CD2AP: variants seen among roughly 807,000 people sequenced by gnomAD.
CD2AP encodes CD2-associated protein.
A neutral mutation model predicts 85.1 loss-of-function variants in CD2AP; 46 were observed. That is an observed-to-expected ratio of 0.54 (90% CI 0.43 to 0.69). The LOEUF (loss-of-function observed/expected upper bound fraction) is 0.69. Ranked by LOEUF, CD2AP falls within the 30% of genes least tolerant of loss-of-function variation. The pLI, the probability that CD2AP is intolerant of heterozygous loss-of-function variation, is 0.00. For synonymous variants in CD2AP, 255 were observed against 252.9 expected (o/e 1.01, Z -0.08); for missense variants, 769 against 729.5 (o/e 1.05, Z -0.62).
intron 4 of CD2AP, among the ~76,000 whole-genome samples, chr6:47,553,709 TCAGAAACTATA>T (rs1307833725): frequency 1.3e-5 from 2 of 151,968 alleles, no homozygotes; most frequent in African/African-American, 4.8e-5. Context: ...AATATCCATA[TCAGAAACTATA>T]CATTTTTAAA....
chr6:47,483,287 A>G, intron 1 of CD2AP, among the ~76,000 whole-genome samples: 1 of 152,200 alleles, frequency 6.6e-6, no homozygotes, highest in Non-Finnish European at 1.5e-5. Flanking sequence ...ATATGTGCCT[A>G]CAGTCAGCTT....
chr6:47,516,861 T>C (rs1400356685), intron 2 of CD2AP, among the ~76,000 whole-genome samples: 4 of 152,220 alleles, frequency 2.6e-5, no homozygotes, highest in African/African-American at 9.6e-5. Flanking sequence ...AGTTAGATCA[T>C]AGCATATGAT....
Position 47,559,434 on chromosome 6 carries a change from A to T in CD2AP, c.541+4668A>T, listed in dbSNP as rs1767791621. On this transcript the variant is annotated intron_variant, in intron 5 of 17. Coordinates refer to ENST00000359314, the MANE Select transcript of CD2AP (RefSeq NM_012120.3). Reference sequence around the variant, plus strand: ...TCATGATGCACAGCTAATTAAAAACATTTTTTTTTAAGAGATGGGGCCTCA... The same window carrying T: ...TCATGATGCACAGCTAATTAAAAACTTTTTTTTTTAAGAGATGGGGCCTCA... Among the ~76,000 whole-genome samples, 4 of 149,984 alleles carry T rather than the reference A, an allele frequency of 2.7e-5. No homozygotes were observed. The Admixed American group carries it at 2.7e-4, about 10-fold the overall frequency.
intron 15 of CD2AP, among the ~76,000 whole-genome samples, chr6:47,608,303 T>TA (rs1343272196): frequency 6.6e-6 from 1 of 152,176 alleles, no homozygotes; most frequent in African/African-American, 2.4e-5. Context: ...CCATTAAACA[T>TA]ACATTCTTAA....
intron 5 of CD2AP, among the ~76,000 whole-genome samples, chr6:47,566,323 T>TATATATATATATATATATATAC: frequency 9.2e-5 from 10 of 108,376 alleles, no homozygotes; most frequent in African/African-American, 2.6e-4. Context: ...TATATATATA[T>TATATATATATATATATATATAC]ACACATACAC....
chr6:47,490,449 T>C (rs983571837), intron 1 of CD2AP, among the ~76,000 whole-genome samples: 2 of 152,196 alleles, frequency 1.3e-5, no homozygotes, highest in Non-Finnish European at 2.9e-5. Context: ...AAATAATTTC[T>C]AGTGTTTTCT....
chr6:47,497,298 C>T (rs546195362), intron 1 of CD2AP, among the ~76,000 whole-genome samples: 8 of 132,942 alleles, frequency 6.0e-5, no homozygotes, highest in East Asian at 2.0e-4. Flanking sequence ...TTCCTGTTCC[C>T]GTTCCCTTTT....
At chr6:47,505,924 A>C (rs1317586508) in intron 2 of CD2AP, among the ~76,000 whole-genome samples, 4 of 98,840 alleles carry the variant, frequency 4.0e-5, no homozygotes, top group South Asian at 8.9e-4. Context: ...TCCCTCCCGG[A>C]CGGGGTGGCT....
chr6:47,581,348 G>C (rs1157840956), intron 10 of CD2AP, among the ~76,000 whole-genome samples: 1 of 152,126 alleles, frequency 6.6e-6, no homozygotes, highest in Admixed American at 6.5e-5. Context: ...GTGTCTTCAA[G>C]AGTTAAAGTT....
chr6:47,478,126 A>G lies in CD2AP; in HGVS notation c.-119A>G, dbSNP rs1241012374. The G allele has an allele frequency of 7.5e-7, 1 of 1,326,358 alleles. No homozygotes were observed. Among genetic ancestry groups the G allele is most frequent in the African/African-American group, 1.5e-5 (1 of 68,524 alleles). The allele number at this position is 1,326,358 out of a possible 1,614,324, so 82.2% of individuals were successfully genotyped here. ...GCGACTCTTCGCCCCGCCTGAGCTC[A>G]GGAGGGGCTAGCGCGGAGCGCGGGT... On this transcript the variant is annotated 5_prime_UTR_variant, in exon 1 of 18. Transcript: ENST00000359314.
intron 17 of CD2AP, among the ~76,000 whole-genome samples, chr6:47,620,631 CT>C (rs1779563624): frequency 6.6e-6 from 1 of 152,120 alleles, no homozygotes; most frequent in African/African-American, 2.4e-5. Flanking sequence ...TTGTACATGG[CT>C]TTTGACAGTA....
chr6:47,621,516 C>T (rs974572726), intron 17 of CD2AP, among the ~76,000 whole-genome samples: 30 of 152,004 alleles, frequency 2.0e-4, no homozygotes, highest in African/African-American at 7.2e-4. Flanking sequence ...TTTTTGGTTA[C>T]GATCTTTTCT....
At chr6:47,529,750 T>C (rs1397766517) in intron 2 of CD2AP, among the ~76,000 whole-genome samples, 1 of 152,190 alleles carries the variant, frequency 6.6e-6, no homozygotes, top group Non-Finnish European at 1.5e-5. Context: ...CCTTGTACAT[T>C]GTTTTGCTTA....
intron 11 of CD2AP, among the ~76,000 whole-genome samples, chr6:47,594,879 C>T (rs181505877): frequency 2.0e-5 from 3 of 152,074 alleles, no homozygotes; most frequent in Non-Finnish European, 4.4e-5. Context: ...CTATGTGCTA[C>T]GATGTTCAGG....
At chr6:47,498,134 T>C (rs1765912961) in intron 1 of CD2AP, among the ~76,000 whole-genome samples, 1 of 152,262 alleles carries the variant, frequency 6.6e-6, no homozygotes, top group South Asian at 2.1e-4. Context: ...TTTTGCTGGA[T>C]AACATTATGT....
At chr6:47,533,881 C>T in intron 3 of CD2AP, 126 bp downstream of exon 3, 2 of 900,540 alleles carry the variant, frequency 2.2e-6, no homozygotes, top group Non-Finnish European at 3.4e-6. Context: ...TGCAAAGTCT[C>T]ATGTTACTAG....
At chr6:47,603,121 A>C (rs909645529) in intron 13 of CD2AP, among the ~76,000 whole-genome samples, 2 of 152,046 alleles carry the variant, frequency 1.3e-5, no homozygotes, top group African/African-American at 4.8e-5. Flanking sequence ...ATACTATAAA[A>C]AGTGAGCCTA....
chr6:47,550,056 A>C (rs188948000), intron 4 of CD2AP, among the ~76,000 whole-genome samples: 7 of 152,310 alleles, frequency 4.6e-5, no homozygotes, highest in Admixed American at 4.6e-4. Context: ...TACAAAAATC[A>C]AATCAAGATG....
chr6:47,564,142 T>G lies in CD2AP; in HGVS notation c.541+9376T>G, dbSNP rs555110925. 2.6e-5 allele frequency among the ~76,000 whole-genome samples: 4 copies of G among 152,266 alleles called. No homozygotes were observed. The East Asian group carries it at 7.7e-4, about 29-fold the overall frequency. On this transcript the variant is annotated intron_variant, in intron 5 of 17. Coordinates refer to ENST00000359314, the MANE Select transcript of CD2AP (RefSeq NM_012120.3). ...ATGTTTAAGGGTGTGTAAAAACCAT[T>G]AGAGAACATACATAAGTACCAAAAA...
Sources: gnomAD v4.1 joint callset for allele counts (sites outside exome capture counted in the v4.1 genomes callset) on GRCh38, gnomAD v4.1.1 for gene constraint, MANE v1.5 for transcripts, NCBI Gene and HGNC (gene_info 2026-07-23, HGNC 2026-07-21) for gene names.